The following ZFHX3 variants were observed in gnomAD, a reference collection of about 807,000 sequenced individuals.
ZFHX3 encodes the protein zinc finger homeobox 3.
Under a neutral mutation model 279.1 loss-of-function variants are expected in ZFHX3, and 42 were observed. The ratio of observed to expected loss-of-function variants is 0.15; its 90% CI spans 0.12 to 0.19. The LOEUF is 0.19. Ranked by LOEUF, ZFHX3 falls within the 10% of genes least tolerant of loss-of-function variation. The probability of loss-of-function intolerance (pLI) is 1.00; values close to 1 mark genes in which losing one functional copy is unlikely to be tolerated. For missense variants in ZFHX3, 4,981 were observed against 4,754.0 expected, an observed-to-expected ratio of 1.05 and a Z score of -1.40; for synonymous variants, 2,293 against 1,957.8, an observed-to-expected ratio of 1.17 and a Z score of -4.52.
intron 1 of ZFHX3, among the ~76,000 whole-genome samples, chr16:73,807,567 G>T (rs949392943): frequency 8.1e-5 from 12 of 147,260 alleles, no homozygotes; most frequent in Admixed American, 1.4e-4. Flanking sequence ...CAATCCTCCT[G>T]CCACAGCAGC....
chr16:72,958,699 C>A lies in ZFHX3; in HGVS notation c.1447G>T (p.Glu483Ter). The A allele has an allele frequency of 6.2e-7, 1 of 1,613,846 alleles. No homozygotes were observed. Among genetic ancestry groups the A allele is most frequent in the East Asian group, 2.2e-5 (1 of 44,852 alleles). The change falls in exon 2 of 10, where the codon GAA becomes TAA. Residue 483 changes from glutamate (E) to a stop codon, truncating the protein, a stop_gained. Transcript: ENST00000268489. LOFTEE classifies it high-confidence loss of function. ...CAACCCTCGTCTTCCTCCTCCTCTT[C>A]TTCCTCCTCCTCTTCTTCCTCCTCC... is the stretch of plus-strand genomic sequence containing the variant. ...EEEEEEEEEE[E>*]EEEEDEGCKG...
chr16:73,042,283 A>G (rs756216398), intron 1 of ZFHX3, among the ~76,000 whole-genome samples: 2 of 152,122 alleles, frequency 1.3e-5, no homozygotes, highest in Non-Finnish European at 2.9e-5. Flanking sequence ...TCCACTAAGG[A>G]GATTCAAATG....
rs150260552 is a variant in ZFHX3 at position 73,533,503 on chromosome 16, G to A, written c.-1546-77245C>T. Among the ~76,000 whole-genome samples, 245 of 151,002 alleles carry A rather than the reference G, an allele frequency of 1.6e-3. 1 individual carries two copies. Among genetic ancestry groups the A allele is most frequent in the African/African-American group, 5.7e-3 (234 of 41,084 alleles). On this transcript the variant is annotated intron_variant, in intron 2 of 17. Coordinates refer to the ZFHX3 transcript ENST00000641206. ...ACGGGTCATTATCCTCATTCTCTTG[G>A]TAACCAGATCCAGTTTCATGGCTTT...
intron 1 of ZFHX3, among the ~76,000 whole-genome samples, chr16:73,799,958 G>T (rs1380329253): frequency 6.6e-6 from 1 of 151,968 alleles, no homozygotes; most frequent in African/African-American, 2.4e-5. Context: ...ACTTTGGGAG[G>T]CCGAGGAGGA....
intron 4 of ZFHX3, among the ~76,000 whole-genome samples, chr16:72,865,103 A>T (rs1426411857): frequency 6.6e-6 from 1 of 152,240 alleles, no homozygotes; most frequent in Admixed American, 6.5e-5. Flanking sequence ...GAATTATTTT[A>T]AACAGAAGAT....
intron 2 of ZFHX3, among the ~76,000 whole-genome samples, chr16:73,522,246 C>G (rs553768601): frequency 1.3e-5 from 2 of 152,182 alleles, no homozygotes; most frequent in South Asian, 2.1e-4. Flanking sequence ...TAAAGTATTA[C>G]AACCATGGCT....
chr16:73,215,661 C>T (rs1167791847), intron 5 of ZFHX3, among the ~76,000 whole-genome samples: 1 of 152,154 alleles, frequency 6.6e-6, no homozygotes, highest in African/African-American at 2.4e-5. Context: ...GTGTTTTCTC[C>T]ACCCCTAGCT....
intron 3 of ZFHX3, among the ~76,000 whole-genome samples, chr16:73,366,147 T>G (rs542375383): frequency 6.6e-6 from 1 of 152,318 alleles, no homozygotes. Flanking sequence ...GGAAAAGGTT[T>G]GGCAGCTTGA....
At chr16:72,811,857 G>A (rs1353109003) in intron 6 of ZFHX3, 48 bp downstream of exon 6, 2 of 1,502,664 alleles carry the variant, frequency 1.3e-6, no homozygotes, top group Admixed American at 1.7e-5. Context: ...CCCTACCAAT[G>A]TCTAAAACAC....
At chr16:73,654,397 A>G (rs184568347) in intron 2 of ZFHX3, among the ~76,000 whole-genome samples, 5 of 152,264 alleles carry the variant, frequency 3.3e-5, no homozygotes, top group Admixed American at 3.3e-4. Context: ...ACATTCAAGA[A>G]CAAAACAATC....
rs146583026 is a variant in ZFHX3, at chr16:73,140,714, C to T, written c.-1024+3038G>A. 6.7e-3 allele frequency among the ~76,000 whole-genome samples: 1,014 copies of T among 152,128 alleles called. 3 individuals carry two copies. Among genetic ancestry groups the T allele is most frequent in the Non-Finnish European group, 9.4e-3 (636 of 67,990 alleles). ...ACTAAAAATACAAAAATTATCCAGA[C>T]GTGGTGGCAAGTGCCTATAGTCCCA... On this transcript the variant is annotated intron_variant, in intron 6 of 17. Transcript: ENST00000641206.
chr16:73,342,368 C>T (rs990737512), intron 3 of ZFHX3, among the ~76,000 whole-genome samples: 2 of 152,158 alleles, frequency 1.3e-5, no homozygotes, highest in African/African-American at 4.8e-5. Context: ...AATACATATT[C>T]ACATGGCTAC....
At chr16:73,354,563 C>T (rs1399982919) in intron 3 of ZFHX3, among the ~76,000 whole-genome samples, 1 of 152,188 alleles carries the variant, frequency 6.6e-6, no homozygotes, top group African/African-American at 2.4e-5. Context: ...ACCAGCATGG[C>T]CTCTGGACCA....
intron 1 of ZFHX3, among the ~76,000 whole-genome samples, chr16:73,820,106 T>C (rs1026253241): frequency 2.0e-5 from 3 of 152,246 alleles, no homozygotes; most frequent in Admixed American, 1.3e-4. Flanking sequence ...GTCTTTTTTT[T>C]TGAGACAGAG....
At chr16:72,805,216 A>T (rs2036227641) in intron 7 of ZFHX3, among the ~76,000 whole-genome samples, 1 of 151,868 alleles carries the variant, frequency 6.6e-6, no homozygotes. Flanking sequence ...TCCTGACCTT[A>T]AGTGATCTGC....
intron 4 of ZFHX3, among the ~76,000 whole-genome samples, chr16:73,275,503 T>G (rs1225620838): frequency 1.3e-5 from 2 of 152,158 alleles, no homozygotes; most frequent in African/African-American, 4.8e-5. Flanking sequence ...AACTCCAATA[T>G]GTTAAAATCC....
At chr16:73,167,571 C>T (rs996771458) in intron 5 of ZFHX3, among the ~76,000 whole-genome samples, 4 of 152,132 alleles carry the variant, frequency 2.6e-5, no homozygotes, top group African/African-American at 4.8e-5. Context: ...TAATTTCTTC[C>T]GATCTGCTGT....
intron 2 of ZFHX3, among the ~76,000 whole-genome samples, chr16:73,672,205 G>C (rs928931368): frequency 1.3e-5 from 2 of 152,042 alleles, no homozygotes; most frequent in African/African-American, 2.4e-5. Flanking sequence ...CCCCTAGGAA[G>C]CATATTCCCA....
chr16:73,585,934 G>A (rs1031934456), intron 2 of ZFHX3, among the ~76,000 whole-genome samples: 17 of 151,302 alleles, frequency 1.1e-4, no homozygotes, highest in Admixed American at 1.1e-3. Context: ...AATAAACGTG[G>A]GATAACCAAC....
Sources: allele counts gnomAD v4.1 joint callset (sites outside exome capture counted in the v4.1 genomes callset), GRCh38; gene constraint gnomAD v4.1.1; transcripts MANE v1.5; gene names NCBI Gene and HGNC (gene_info 2026-07-23, HGNC 2026-07-21).